The following AMPH variants were observed in gnomAD, a reference collection of about 807,000 sequenced individuals.
AMPH encodes amphiphysin (Stiff-Mann syndrome with breast cancer 128kD autoantigen).
Under a neutral mutation model 99.1 loss-of-function variants are expected in AMPH, and 49 were observed. The ratio of observed to expected loss-of-function variants is 0.49; its 90% CI spans 0.39 to 0.63. AMPH has a LOEUF of 0.63. Ranked by LOEUF, AMPH falls within the 20% of genes least tolerant of loss-of-function variation. The pLI is 0.00. For synonymous variants in AMPH, 314 were observed against 317.3 expected (o/e 0.99, Z 0.11); for missense variants, 759 against 863.4 (o/e 0.88, Z 1.52).
intron 1 of AMPH, among the ~76,000 whole-genome samples, chr7:38,555,209 A>G (rs1229620059): frequency 6.6e-6 from 1 of 151,534 alleles, no homozygotes; most frequent in African/African-American, 2.4e-5. Flanking sequence ...ATTCAAGACC[A>G]GCCTGGGTAG....
chr7:38,526,433 C>CTTCTTTTT (rs1790191417), intron 2 of AMPH, among the ~76,000 whole-genome samples: 1 of 72,566 alleles, frequency 1.4e-5, no homozygotes, highest in African/African-American at 5.9e-5. Context: ...CCATGCCCGG[C>CTTCTTTTT]TTTTTTTTTT....
intron 3 of AMPH, among the ~76,000 whole-genome samples, chr7:38,499,136 T>C (rs1002677007): frequency 6.6e-6 from 1 of 152,202 alleles, no homozygotes; most frequent in African/African-American, 2.4e-5. Context: ...ATGATGGCAC[T>C]CAATGCACGT....
rs1177163778 is a variant in AMPH, at chr7:38,406,728, TTCCCTCTCTCTC to T, written c.1398+11085_1398+11096del. Among the ~76,000 whole-genome samples, 36 of 53,984 alleles carry T rather than the reference TTCCCTCTCTCTC, an allele frequency of 6.7e-4. 1 individual carries two copies. The highest frequency in any genetic ancestry group is 1.2e-3 in the Admixed American group (7 of 5,632). 35.4% of individuals were successfully genotyped at this position (53,984 alleles called of 152,430 possible). A position where few individuals can be genotyped will look rare whatever the true frequency, so the allele number is the denominator to read the frequency against. ...TCTCTCCTCTCCTCTCTCTCTCCCT[TTCCCTCTCTCTC>T]TCTCTCTCTCTCTCTCTCTCTCTCT... On this transcript the variant is annotated intron_variant, in intron 17 of 20. Coordinates refer to ENST00000356264, the MANE Select transcript of AMPH (RefSeq NM_001635.4).
intron 1 of AMPH, among the ~76,000 whole-genome samples, chr7:38,558,928 G>A (rs1019155251): frequency 6.6e-6 from 1 of 152,168 alleles, no homozygotes; most frequent in Admixed American, 6.5e-5. Flanking sequence ...TCTTCTACTT[G>A]TAGTCACTCC....
chr7:38,479,917 G>C (rs1227684984), intron 5 of AMPH, among the ~76,000 whole-genome samples: 3 of 152,010 alleles, frequency 2.0e-5, no homozygotes, highest in Non-Finnish European at 4.4e-5. Flanking sequence ...AAGAGATTCT[G>C]ATTTAATTAG....
chr7:38,510,563 G>A (rs1209052727), intron 2 of AMPH, among the ~76,000 whole-genome samples: 1 of 152,166 alleles, frequency 6.6e-6, no homozygotes, highest in East Asian at 1.9e-4. Flanking sequence ...CACAATAATT[G>A]CATATGGTTG....
chr7:38,572,114 AG>A (rs1445104120), intron 1 of AMPH, among the ~76,000 whole-genome samples: 5 of 152,100 alleles, frequency 3.3e-5, no homozygotes, highest in Non-Finnish European at 7.4e-5. Flanking sequence ...CATGTTGGTC[AG>A]GCTGGTGTCA....
At chr7:38,404,747 A>G (rs1039558619) in intron 17 of AMPH, among the ~76,000 whole-genome samples, 3 of 152,216 alleles carry the variant, frequency 2.0e-5, no homozygotes, top group Admixed American at 6.5e-5. Flanking sequence ...GTGTTTTGAC[A>G]CCTTCAAAGG....
At chr7:38,387,119 A>G (rs964487632) in intron 20 of AMPH, among the ~76,000 whole-genome samples, 1 of 151,412 alleles carries the variant, frequency 6.6e-6, no homozygotes. Context: ...ATTCAAGGGA[A>G]TTATCCAGTA....
chr7:38,619,397 T>C (rs1793980071), intron 1 of AMPH, among the ~76,000 whole-genome samples: 1 of 152,038 alleles, frequency 6.6e-6, no homozygotes, highest in South Asian at 2.1e-4. Flanking sequence ...CTAAAATACA[T>C]GAAGGATAAA....
chr7:38,449,368 G>A (rs995722664), intron 11 of AMPH, among the ~76,000 whole-genome samples: 3 of 152,148 alleles, frequency 2.0e-5, no homozygotes, highest in African/African-American at 7.2e-5. Flanking sequence ...GCAGAAAGAC[G>A]GCAGGTTTGC....
At chr7:38,494,177 T>C (rs10264958) in intron 4 of AMPH, among the ~76,000 whole-genome samples, 42,279 of 152,080 alleles carry the variant, frequency 0.28, 7,288 homozygotes, top group African/African-American at 0.49. Context: ...CAGGCTGATC[T>C]TGAACTCCTG....
chr7:38,614,843 A>T (rs1793820420), intron 1 of AMPH, among the ~76,000 whole-genome samples: 1 of 152,202 alleles, frequency 6.6e-6, no homozygotes, highest in African/African-American at 2.4e-5. Context: ...GTGCAACCAA[A>T]AAGAGCTGAT....
At chr7:38,567,536 TAAAAATTA>T (rs1439996007) in intron 1 of AMPH, among the ~76,000 whole-genome samples, 4 of 150,670 alleles carry the variant, frequency 2.7e-5, no homozygotes, top group Non-Finnish European at 5.9e-5. Context: ...TAAAGTATAA[TAAAAATTA>T]AAAAAATAAA....
chr7:38,597,607 A>G (rs1469013782), intron 1 of AMPH, among the ~76,000 whole-genome samples: 1 of 152,172 alleles, frequency 6.6e-6, no homozygotes, highest in African/African-American at 2.4e-5. Context: ...CAATGAAAAT[A>G]GATTTTTATC....
chr7:38,561,758 G>A (rs898340551), intron 1 of AMPH, among the ~76,000 whole-genome samples: 1 of 152,140 alleles, frequency 6.6e-6, no homozygotes, highest in Non-Finnish European at 1.5e-5. Flanking sequence ...TCCTTGGGAT[G>A]AAGCCCCCAT....
intron 1 of AMPH, among the ~76,000 whole-genome samples, chr7:38,616,719 A>G (rs1453121899): frequency 6.6e-6 from 1 of 152,230 alleles, no homozygotes; most frequent in African/African-American, 2.4e-5. Context: ...CATGATGAGG[A>G]GCAAAAGAAG....
Position 38,487,601 on chromosome 7 carries a change from A to G in AMPH, c.396+3449T>C, listed in dbSNP as rs1788550625. Reference sequence around the variant, plus strand: ...GAAAACCTAGGCAATACCATTCAGGACATAGGCATGGGCAAAGACTGCACG... The same window carrying G: ...GAAAACCTAGGCAATACCATTCAGGGCATAGGCATGGGCAAAGACTGCACG... On this transcript the variant is annotated intron_variant, in intron 5 of 20. Transcript: ENST00000356264. Among the ~76,000 whole-genome samples the G allele has an allele frequency of 1.3e-5, 2 of 152,198 alleles. 1 individual carries two copies. The highest frequency in any genetic ancestry group is 1.3e-4 in the Admixed American group (2 of 15,274).
intron 1 of AMPH, among the ~76,000 whole-genome samples, chr7:38,543,095 C>T (rs1348508163): frequency 5.0e-5 from 7 of 139,464 alleles, no homozygotes; most frequent in African/African-American, 1.9e-4. Context: ...CCCTGTCCCA[C>T]AAAAAAAAAA....
Sources: gnomAD v4.1 joint callset for allele counts (sites outside exome capture counted in the v4.1 genomes callset) on GRCh38, gnomAD v4.1.1 for gene constraint, MANE v1.5 for transcripts, NCBI Gene and HGNC (gene_info 2026-07-23, HGNC 2026-07-21) for gene names.